Variants in BMPER observed in about 807,000 individuals in gnomAD.
The protein encoded by BMPER is BMP binding endothelial regulator.
A neutral mutation model predicts 87.3 loss-of-function variants in BMPER; 45 were observed. The ratio of observed to expected loss-of-function variants is 0.52; its 90% confidence interval spans 0.41 to 0.66. BMPER has a LOEUF of 0.66. BMPER is among the 30% of genes least tolerant of loss of function. The pLI is 0.00. For synonymous variants in BMPER, 326 were observed against 316.2 expected (o/e 1.03, Z -0.33); for missense variants, 784 against 867.5 (o/e 0.90, Z 1.21).
chr7:34,140,308 C>G (rs574509293), intron 13 of BMPER, among the ~76,000 whole-genome samples: 6 of 152,230 alleles, frequency 3.9e-5, no homozygotes, highest in Non-Finnish European at 5.9e-5. Flanking sequence ...CTTCTCCATT[C>G]TGTCACAAAC....
Position 34,057,928 on chromosome 7 carries a change from G to A in BMPER, c.928-131G>A, listed in dbSNP as rs1419662639. On this transcript the variant is annotated intron_variant, in intron 9 of 14. Coordinates refer to ENST00000649409, the MANE Select transcript of BMPER (RefSeq NM_001365308.1). ...CAGTTGGATGTAGACAGACACCTGA[G>A]TCATTTAGTCTAATGATGGCGTCCC... The A allele has an allele frequency of 4.0e-6, 3 of 746,808 alleles. No individual in the cohort carries two copies. In the African/African-American group the frequency reaches 5.2e-5, roughly 13 times the overall value. 46.3% of individuals were successfully genotyped at this position (746,808 alleles called of 1,614,324 possible). A position where few individuals can be genotyped will look rare whatever the true frequency, so the allele number is the denominator to read the frequency against.
intron 6 of BMPER, among the ~76,000 whole-genome samples, chr7:34,031,917 T>C (rs1288280974): frequency 7.2e-5 from 9 of 124,190 alleles, no homozygotes; most frequent in South Asian, 2.4e-4. Context: ...TATATATATA[T>C]ATATATATAT....
chr7:34,023,797 G>C (rs987740347), intron 6 of BMPER, among the ~76,000 whole-genome samples: 2 of 152,008 alleles, frequency 1.3e-5, no homozygotes, highest in African/African-American at 4.8e-5. Flanking sequence ...ATCCATTTGT[G>C]ATCACTTGGG....
chr7:34,130,866 A>G (rs1790565488), intron 13 of BMPER, among the ~76,000 whole-genome samples: 1 of 152,244 alleles, frequency 6.6e-6, no homozygotes, highest in Non-Finnish European at 1.5e-5. Context: ...GCTAGAAGGA[A>G]CAGCATGTGC....
chr7:34,131,749 C>T (rs533436260), intron 13 of BMPER, among the ~76,000 whole-genome samples: 5 of 152,240 alleles, frequency 3.3e-5, no homozygotes, highest in South Asian at 2.1e-4. Context: ...TAGTATTGTT[C>T]GGCTGCCAAT....
intron 13 of BMPER, among the ~76,000 whole-genome samples, chr7:34,110,335 G>A (rs1789927522): frequency 6.6e-6 from 1 of 152,156 alleles, no homozygotes; most frequent in Non-Finnish European, 1.5e-5. Context: ...CTCAGTGTCT[G>A]TATTTGTTGA....
intron 6 of BMPER, among the ~76,000 whole-genome samples, chr7:33,992,505 G>A (rs989996760): frequency 8.7e-5 from 13 of 148,618 alleles, no homozygotes; most frequent in Non-Finnish European, 1.5e-4. Flanking sequence ...TTGAGCCTAT[G>A]TGTGTCTCTG....
intron 12 of BMPER, among the ~76,000 whole-genome samples, chr7:34,083,782 C>CCTCT (rs138588578): frequency 2.0e-5 from 3 of 150,492 alleles, no homozygotes; most frequent in African/African-American, 7.3e-5. Context: ...TAGACAAGAT[C>CCTCT]CTCTCTCTCT....
At chr7:34,039,643 CTT>C (rs1376820127) in intron 6 of BMPER, among the ~76,000 whole-genome samples, 22 of 146,574 alleles carry the variant, frequency 1.5e-4, no homozygotes, top group Admixed American at 5.4e-4. Flanking sequence ...CACACACACA[CTT>C]ATACCACTGT....
chr7:34,025,774 G>C (rs559625598), intron 6 of BMPER, among the ~76,000 whole-genome samples: 15 of 152,042 alleles, frequency 9.9e-5, no homozygotes, highest in Non-Finnish European at 2.1e-4. Flanking sequence ...GGAATAGCAG[G>C]GGAGCCTGGA....
In BMPER at chr7:34,155,040, GT is replaced by G. The variant is rs1302272586; in HGVS notation, c.*1768del. 2 of 152,220 alleles carry G rather than the reference GT, an allele frequency of 1.3e-5. No homozygotes were observed. Among genetic ancestry groups the G allele is most frequent in the African/African-American group, 4.8e-5 (2 of 41,462 alleles). The allele number at this position is 152,220 out of a possible 1,614,324, so 9.4% of individuals were successfully genotyped here. ...CTTATCTGTAACACAAAGAGGCCAT[GT>G]AGTATAGTGAGCAGGGTTGAGAATC... On this transcript the variant is annotated 3_prime_UTR_variant, in exon 15 of 15. Transcript: ENST00000649409.
chr7:34,024,376 A>AC (rs920596477), intron 6 of BMPER, among the ~76,000 whole-genome samples: 3 of 97,280 alleles, frequency 3.1e-5, no homozygotes, highest in East Asian at 5.5e-4. Flanking sequence ...AAAAAAAAAA[A>AC]AAAAAACAAT....
rs1367873934 is a variant in BMPER at position 34,156,029 on chromosome 7, A to T, written c.*2756A>T. ...ACCTAAAATTTTTTAGCTGGGAAGA[A>T]AAGATATCTCTTTGGCATCGACAAG... On this transcript the variant is annotated 3_prime_UTR_variant, in exon 15 of 15. Coordinates refer to ENST00000649409, the MANE Select transcript of BMPER (RefSeq NM_001365308.1). Among the ~76,000 whole-genome samples the T allele has an allele frequency of 1.3e-5, 2 of 152,194 alleles. No individual in the cohort carries two copies. Among genetic ancestry groups the T allele is most frequent in the Admixed American group, 6.5e-5 (1 of 15,284 alleles).
At chr7:33,929,475 T>A (rs1784432531) in intron 2 of BMPER, among the ~76,000 whole-genome samples, 1 of 152,202 alleles carries the variant, frequency 6.6e-6, no homozygotes, top group Non-Finnish European at 1.5e-5. Flanking sequence ...AAAGGCATTA[T>A]TTTTACTTCT....
chr7:33,998,803 G>A (rs936311412), intron 6 of BMPER, among the ~76,000 whole-genome samples: 5 of 152,216 alleles, frequency 3.3e-5, no homozygotes, highest in Non-Finnish European at 7.3e-5. Context: ...AGAGTCTGGC[G>A]CAGTGGCCGA....
At chr7:33,921,664 T>TCTC (rs1784233195) in intron 2 of BMPER, 34 of 451,456 alleles carry the variant, frequency 7.5e-5, no homozygotes, top group South Asian at 5.4e-4. Context: ...CTGCTGCCAG[T>TCTC]CTCTTCATGG....
chr7:34,101,023 T>C (rs1223268415), intron 13 of BMPER, among the ~76,000 whole-genome samples: 1 of 152,152 alleles, frequency 6.6e-6, no homozygotes, highest in African/African-American at 2.4e-5. Context: ...GGCCCCCTGA[T>C]CAGAATCTGC....
chr7:34,091,575 T>C (rs1470035945), intron 13 of BMPER, among the ~76,000 whole-genome samples: 2 of 152,238 alleles, frequency 1.3e-5, no homozygotes, highest in Non-Finnish European at 2.9e-5. Context: ...AAGTCTGTTT[T>C]TAATTCACCG....
At chr7:34,034,743 G>A (rs1455174672) in intron 6 of BMPER, among the ~76,000 whole-genome samples, 1 of 152,188 alleles carries the variant, frequency 6.6e-6, no homozygotes, top group African/African-American at 2.4e-5. Flanking sequence ...TCTCCTCTAG[G>A]AGAATACAGG....
Sources: gnomAD v4.1 joint callset for allele counts (sites outside exome capture counted in the v4.1 genomes callset) on GRCh38, gnomAD v4.1.1 for gene constraint, MANE v1.5 for transcripts, NCBI Gene and HGNC (gene_info 2026-07-23, HGNC 2026-07-21) for gene names.